Variants in BRWD1 observed in about 807,000 individuals in gnomAD.
The protein encoded by BRWD1 is bromodomain and WD repeat-containing protein 1.
Under a neutral mutation model 251.2 loss-of-function variants are expected in BRWD1, and 82 were observed. The observed-to-expected ratio is 0.33, with a 90% CI of 0.27 to 0.39. BRWD1 has a LOEUF of 0.39. Among genes scored for constraint, BRWD1 ranks in the 10% least tolerant of loss-of-function variants. The probability of loss-of-function intolerance (pLI) is 1.00; values close to 1 mark genes in which losing one functional copy is unlikely to be tolerated. For synonymous variants in BRWD1, 918 were observed against 902.8 expected, an observed-to-expected ratio of 1.02 and a Z score of -0.30; for missense variants, 2,233 against 2,711.6, an observed-to-expected ratio of 0.82 and a Z score of 3.92.
At chr21:39,312,237 C>T (rs117069302) in intron 4 of BRWD1, among the ~76,000 whole-genome samples, 1 of 152,330 alleles carries the variant, frequency 6.6e-6, no homozygotes, top group Non-Finnish European at 1.5e-5. Context: ...TCTACAAGAT[C>T]AGTGTGAAAC....
chr21:39,220,303 A>G (rs8128118), intron 29 of BRWD1, among the ~76,000 whole-genome samples: 138,255 of 152,254 alleles, frequency 0.91, 63,052 homozygotes, highest in Middle Eastern at 0.96. Flanking sequence ...ATGCACAAAA[A>G]GGCCAGCACC....
chr21:39,278,620 C>T, intron 10 of BRWD1, 123 bp downstream of exon 10: 1 of 628,180 alleles, frequency 1.6e-6, no homozygotes, highest in Non-Finnish European at 2.6e-6. Flanking sequence ...TAAATTGAAC[C>T]TAATGAAATA....
intron 8 of BRWD1, among the ~76,000 whole-genome samples, chr21:39,283,977 T>C (rs555054550): frequency 4.1e-4 from 63 of 152,332 alleles, no homozygotes; most frequent in African/African-American, 1.4e-3. Flanking sequence ...ATCTCATGTG[T>C]CTACTTCCAA....
In BRWD1 at chr21:39,277,524, T is replaced by C. The variant is rs567016056; in HGVS notation, c.1004-173A>G. 2.0e-4 allele frequency among the ~76,000 whole-genome samples: 30 copies of C among 152,332 alleles called. No individual in the cohort carries two copies. The South Asian group carries it at 2.3e-3, about 12-fold the overall frequency. ...GAGGTTATAAAGCTGAACTTGTAGC[T>C]TTAAAAAACAAAATTAATTCAATCT... On this transcript the variant is annotated intron_variant, in intron 10 of 40. Coordinates refer to ENST00000342449, the MANE Select transcript of BRWD1 (RefSeq NM_033656.4).
chr21:39,294,937 A>G (rs1301984838), intron 7 of BRWD1, among the ~76,000 whole-genome samples: 1 of 152,134 alleles, frequency 6.6e-6, no homozygotes, highest in Non-Finnish European at 1.5e-5. Flanking sequence ...AAAACATTAA[A>G]ATGATAAATT....
intron 13 of BRWD1, among the ~76,000 whole-genome samples, chr21:39,271,035 C>G (rs547225579): frequency 1.3e-5 from 2 of 152,326 alleles, no homozygotes; most frequent in East Asian, 3.9e-4. Context: ...TGGCTCACGC[C>G]TGTAATCCCA....
chr21:39,196,598 T>C lies in BRWD1; in HGVS notation c.6471A>G (p.Ser2157=). The change falls in exon 41 of 41, where the codon TCA becomes TCG. Residue 2157 remains serine, a synonymous_variant. Coordinates refer to ENST00000342449, the MANE Select transcript of BRWD1 (RefSeq NM_033656.4). ...ATTCAGTTACAGATCCCAAATCTGA[T>C]GATTTGGAACTAGTATCAGGTCTAA... ...SKFRPDTSSK[S]SDLGSVTESD... is the part of the protein sequence containing the mutation. The C allele has an allele frequency of 6.2e-7, 1 of 1,613,140 alleles. No homozygotes were observed.
At chr21:39,255,616 A>G in intron 19 of BRWD1, 29 bp downstream of exon 19, 2 of 1,559,908 alleles carry the variant, frequency 1.3e-6, no homozygotes, top group Non-Finnish European at 1.8e-6. Flanking sequence ...ACAGATAGAA[A>G]CATTATAAAT....
intron 4 of BRWD1, among the ~76,000 whole-genome samples, chr21:39,310,463 A>AC (rs2036443233): frequency 6.6e-6 from 1 of 152,110 alleles, no homozygotes; most frequent in Non-Finnish European, 1.5e-5. Flanking sequence ...ACAGGGTGAA[A>AC]CCCCATCTCT....
At chr21:39,261,538 T>C (rs1232390694) in intron 17 of BRWD1, among the ~76,000 whole-genome samples, 2 of 152,182 alleles carry the variant, frequency 1.3e-5, no homozygotes, top group Non-Finnish European at 2.9e-5. Flanking sequence ...CCACCCATGA[T>C]CCATCAGTAC....
intron 32 of BRWD1, among the ~76,000 whole-genome samples, chr21:39,214,601 C>A (rs920812354): frequency 3.3e-5 from 5 of 151,904 alleles, no homozygotes; most frequent in African/African-American, 9.7e-5. Context: ...ATAAATTCTA[C>A]ACTTTCTGTC....
intron 27 of BRWD1, among the ~76,000 whole-genome samples, chr21:39,226,198 G>A (rs1421679883): frequency 6.6e-6 from 1 of 152,052 alleles, no homozygotes; most frequent in Non-Finnish European, 1.5e-5. Flanking sequence ...CATAATAAAA[G>A]TGTCTTTTCT....
At chr21:39,218,973 C>T (rs2836941) in intron 29 of BRWD1, among the ~76,000 whole-genome samples, 15,356 of 152,022 alleles carry the variant, frequency 0.1, 902 homozygotes, top group East Asian at 0.14. Flanking sequence ...TTGAACCTGA[C>T]AATATTCAAA....
chr21:39,298,316 C>T (rs2036013503), intron 5 of BRWD1, 116 bp downstream of exon 5: 1 of 1,372,318 alleles, frequency 7.3e-7, no homozygotes, highest in South Asian at 2.2e-5. Flanking sequence ...TTATAGTCCA[C>T]AGCATGATTT....
chr21:39,243,271 C>T lies in BRWD1; in HGVS notation c.2481+4430G>A, dbSNP rs554360762. 2.0e-4 allele frequency among the ~76,000 whole-genome samples: 30 copies of T among 152,216 alleles called. 1 individual carries two copies. In the South Asian group the frequency reaches 6.0e-3, roughly 31 times the overall value. ...GTCATAAATCATCAAAAAATATCAA[C>T]ATTAAAACAAAAATCAAGGAACTAG... On this transcript the variant is annotated intron_variant, in intron 21 of 40. Transcript: ENST00000342449.
At chr21:39,237,593 A>G (rs1347455622) in intron 22 of BRWD1, among the ~76,000 whole-genome samples, 2 of 152,208 alleles carry the variant, frequency 1.3e-5, no homozygotes, top group African/African-American at 4.8e-5. Flanking sequence ...AAAATTCAAG[A>G]AAAGTTGAAT....
intron 32 of BRWD1, among the ~76,000 whole-genome samples, chr21:39,213,980 G>A (rs1340048497): frequency 6.6e-6 from 1 of 151,544 alleles, no homozygotes; most frequent in Non-Finnish European, 1.5e-5. Flanking sequence ...GTATCTTACT[G>A]TACACACAGG....
intron 29 of BRWD1, among the ~76,000 whole-genome samples, chr21:39,223,066 G>A (rs1169400276): frequency 7.2e-5 from 11 of 152,052 alleles, no homozygotes; most frequent in Admixed American, 2.0e-4. Flanking sequence ...AGTGAAAAAC[G>A]GAGGGATCCT....
intron 37 of BRWD1, among the ~76,000 whole-genome samples, chr21:39,203,358 T>A (rs2032205019): frequency 6.6e-6 from 1 of 151,744 alleles, no homozygotes. Flanking sequence ...AGACTTGTTT[T>A]AGCCCAGGAG....
Sources: gnomAD v4.1 joint callset for allele counts (sites outside exome capture counted in the v4.1 genomes callset) on GRCh38, gnomAD v4.1.1 for gene constraint, MANE v1.5 for transcripts, NCBI Gene and HGNC (gene_info 2026-07-23, HGNC 2026-07-21) for gene names.